NCOR1: variants seen among roughly 807,000 people sequenced by gnomAD.
The protein encoded by NCOR1 is nuclear receptor corepressor 1.
Under a neutral mutation model 288.1 loss-of-function variants are expected in NCOR1, and 63 were observed. The ratio of observed to expected loss-of-function variants is 0.22; its 90% CI spans 0.18 to 0.27. NCOR1 has a LOEUF of 0.27. NCOR1 is among the 10% of genes least tolerant of loss of function. The probability of loss-of-function intolerance (pLI) is 1.00; values close to 1 mark genes in which losing one functional copy is unlikely to be tolerated. For synonymous variants in NCOR1, 1,007 were observed against 1,065.9 expected (o/e 0.94, Z 1.08); for missense variants, 2,397 against 3,019.2 (o/e 0.79, Z 4.83).
In NCOR1 at chr17:16,194,473, G is replaced by A. The variant is rs751569508; in HGVS notation, c.97C>T (p.Arg33Cys). 42 of 1,600,122 alleles carry A rather than the reference G, an allele frequency of 2.6e-5. No homozygotes were observed. Among genetic ancestry groups the A allele is most frequent in the Non-Finnish European group, 2.8e-5 (33 of 1,169,860 alleles). Residue 33 changes from arginine to cysteine, a missense_variant, in exon 2 of 46, where the codon CGC becomes TGC. Coordinates refer to ENST00000268712, the MANE Select transcript of NCOR1 (RefSeq NM_006311.4). ...HSVQYTFPNTRHQQEFAVPDY... is the reference protein window; with the variant it reads ...HSVQYTFPNTCHQQEFAVPDY... ...TATCTGTTCCTTACCTGCTGGTGGCGGGTGTTGGGAAATGTATACTGGACA... is the reference window on the plus strand; with the variant it reads ...TATCTGTTCCTTACCTGCTGGTGGCAGGTGTTGGGAAATGTATACTGGACA...
intron 22 of NCOR1, chr17:16,087,129 G>A (rs2064365897): frequency 2.3e-6 from 3 of 1,280,180 alleles, no homozygotes; most frequent in Non-Finnish European, 2.1e-6. Context: ...GAACATCTGT[G>A]GGTGGATGGC....
intron 21 of NCOR1, among the ~76,000 whole-genome samples, chr17:16,098,100 C>A (rs528857700): frequency 1.8e-4 from 28 of 152,220 alleles, no homozygotes; most frequent in African/African-American, 6.3e-4. Flanking sequence ...CAGTGGCAAG[C>A]GGCAGGAGGA....
At chr17:16,185,367 G>A (rs999547596) in intron 3 of NCOR1, among the ~76,000 whole-genome samples, 1 of 151,892 alleles carries the variant, frequency 6.6e-6, no homozygotes, top group Non-Finnish European at 1.5e-5. Context: ...CATGTTGTAT[G>A]CCTTAAATAC....
chr17:16,058,783 A>C (rs747055272), intron 37 of NCOR1, among the ~76,000 whole-genome samples, 184 bp from the exon 38 acceptor site: 10 of 152,038 alleles, frequency 6.6e-5, no homozygotes, highest in Non-Finnish European at 1.3e-4. Context: ...GCAGTGGCTC[A>C]TGGCTGTAAT....
chr17:16,086,003 G>C (rs2064170271), intron 23 of NCOR1, among the ~76,000 whole-genome samples: 1 of 152,168 alleles, frequency 6.6e-6, no homozygotes, highest in Admixed American at 6.5e-5. Flanking sequence ...GGTAAGTTTA[G>C]AGTGATGTAA....
At chr17:16,036,995 A>C (rs1413070535) in intron 44 of NCOR1, among the ~76,000 whole-genome samples, 1 of 152,256 alleles carries the variant, frequency 6.6e-6, no homozygotes, top group Non-Finnish European at 1.5e-5. Context: ...CACTAAGCTT[A>C]ATCATTTCTA....
At chr17:16,174,604 C>CA (rs1394708610) in intron 3 of NCOR1, among the ~76,000 whole-genome samples, 1 of 152,156 alleles carries the variant, frequency 6.6e-6, no homozygotes, top group East Asian at 1.9e-4. Flanking sequence ...CTTCCCATTT[C>CA]AGCCTGCCAA....
chr17:16,134,579 C>T (rs577947861), intron 14 of NCOR1, among the ~76,000 whole-genome samples: 3 of 151,666 alleles, frequency 2.0e-5, no homozygotes, highest in South Asian at 2.1e-4. Context: ...TAACAAGGAT[C>T]GGTGTGCCAC....
chr17:16,101,927 AT>A, intron 19 of NCOR1, 170 bp from the exon 20 acceptor site: 1 of 808,184 alleles, frequency 1.2e-6, no homozygotes, highest in Non-Finnish European at 1.9e-6. Context: ...TCATTGAAGT[AT>A]TTACAGCCAT....
intron 22 of NCOR1, among the ~76,000 whole-genome samples, chr17:16,087,712 T>G (rs2064467179): frequency 6.6e-6 from 1 of 152,220 alleles, no homozygotes; most frequent in South Asian, 2.1e-4. Context: ...ATTTCACAAG[T>G]CTTATAATTA....
intron 10 of NCOR1, among the ~76,000 whole-genome samples, chr17:16,145,490 G>A (rs2077786306): frequency 6.9e-6 from 1 of 144,544 alleles, no homozygotes; most frequent in Non-Finnish European, 1.6e-5. Flanking sequence ...GGGATGTGAG[G>A]AGCGCCTCTG....
chr17:16,203,075 T>G (rs1051684060), intron 1 of NCOR1, among the ~76,000 whole-genome samples: 4 of 136,110 alleles, frequency 2.9e-5, no homozygotes, highest in African/African-American at 1.3e-4. Context: ...ACACACACTC[T>G]GAAGCTTCCC....
chr17:16,200,459 T>G (rs1226799368), intron 1 of NCOR1, among the ~76,000 whole-genome samples: 1 of 123,780 alleles, frequency 8.1e-6, no homozygotes, highest in Non-Finnish European at 1.6e-5. Flanking sequence ...ATCGTGCCAC[T>G]GCACTCCAGC....
At chr17:16,034,986 C>T (rs1238686253) in intron 44 of NCOR1, 42 bp from the exon 45 acceptor site, 2 of 1,575,702 alleles carry the variant, frequency 1.3e-6, no homozygotes, top group South Asian at 2.3e-5. Flanking sequence ...ATATTAAGTT[C>T]TCAAAAATTA....
At chr17:16,173,286 C>T (rs762556247) in intron 3 of NCOR1, among the ~76,000 whole-genome samples, 5 of 152,028 alleles carry the variant, frequency 3.3e-5, no homozygotes, top group Non-Finnish European at 7.3e-5. Flanking sequence ...ACATAGAATT[C>T]CATTATCTTA....
At chr17:16,082,271 A>G (rs938081762) in intron 23 of NCOR1, among the ~76,000 whole-genome samples, 2 of 152,206 alleles carry the variant, frequency 1.3e-5, no homozygotes, top group Non-Finnish European at 1.5e-5. Flanking sequence ...TTGACCAAAA[A>G]TTATAAGATA....
intron 19 of NCOR1, among the ~76,000 whole-genome samples, chr17:16,105,223 A>T (rs2068372823): frequency 6.6e-6 from 1 of 152,206 alleles, no homozygotes; most frequent in Non-Finnish European, 1.5e-5. Flanking sequence ...GCTGTGGAAG[A>T]AAAAACAGAA....
intron 42 of NCOR1, chr17:16,041,248 C>T (rs1387076642): frequency 1.3e-5 from 2 of 152,056 alleles, no homozygotes; most frequent in Non-Finnish European, 2.9e-5. Flanking sequence ...CTGGGAACCG[C>T]CTATAATAAA....
rs1230199362 is a variant in NCOR1, at chr17:16,058,305, TTAAAAAA to T, written c.6010+159_6010+165del. 138 of 1,001,972 alleles carry T rather than the reference TTAAAAAA, an allele frequency of 1.4e-4. No individual in the cohort carries two copies. In the East Asian group the frequency reaches 2.7e-3, roughly 19 times the overall value. The allele number at this position is 1,001,972 out of a possible 1,614,324, so 62.1% of individuals were successfully genotyped here. ...TTAATATAAACAATTTTCTGTATCA[TTAAAAAA>T]TAAAAAAGAATCGATTGCTGTTTCT... On this transcript the variant is annotated intron_variant, in intron 38 of 45. Coordinates refer to ENST00000268712, the MANE Select transcript of NCOR1 (RefSeq NM_006311.4).
Sources: allele counts gnomAD v4.1 joint callset (sites outside exome capture counted in the v4.1 genomes callset), GRCh38; gene constraint gnomAD v4.1.1; transcripts MANE v1.5; gene names NCBI Gene and HGNC (gene_info 2026-07-23, HGNC 2026-07-21).